UBE2K: variants seen among roughly 807,000 people sequenced by gnomAD.
UBE2K encodes ubiquitin-conjugating enzyme E2 K.
Under a neutral mutation model 30.0 loss-of-function variants are expected in UBE2K, and 6 were observed. That is an observed-to-expected ratio of 0.20 (90% CI 0.11 to 0.39). The LOEUF (loss-of-function observed/expected upper bound fraction) is 0.39. Among genes scored for constraint, UBE2K ranks in the 10% least tolerant of loss-of-function variants. The pLI is 1.00. For missense variants in UBE2K, 61 were observed against 241.6 expected (o/e 0.25, Z 4.96); for synonymous variants, 86 against 83.7 (o/e 1.03, Z -0.15).
In UBE2K at chr4:39,774,953, A is replaced by G. The variant is rs762292245; in HGVS notation, c.399+20A>G. ...AATCAGGTAAGATGGCCGCTTTTGA[A>G]AGACTTTCTTATATTATGTATGAGT... On this transcript the variant is annotated intron_variant, in intron 5 of 6. Coordinates refer to ENST00000261427, the MANE Select transcript of UBE2K (RefSeq NM_005339.5). The G allele has an allele frequency of 1.3e-6, 2 of 1,550,948 alleles. No individual in the cohort carries two copies. The highest frequency in any genetic ancestry group is 1.8e-6 in the Non-Finnish European group (2 of 1,133,052).
At chr4:39,759,738 G>A (rs906904898) in intron 4 of UBE2K, among the ~76,000 whole-genome samples, 52 of 152,134 alleles carry the variant, frequency 3.4e-4, no homozygotes, top group African/African-American at 1.2e-3. Flanking sequence ...CCTTCTAAAA[G>A]ACACAAACAG....
rs1473068023 is a variant in UBE2K at position 39,782,193 on chromosome 4, T to G, written c.*3759T>G. 1 of 377,916 alleles carries G rather than the reference T, an allele frequency of 2.6e-6. No individual in the cohort carries two copies. The highest frequency in any genetic ancestry group is 2.1e-5 in the African/African-American group (1 of 48,166). 23.4% of individuals were successfully genotyped at this position (377,916 alleles called of 1,614,324 possible). The stretch of plus-strand genomic sequence containing the variant: ...GTTATTTCAACCATGCTGCTATATA[T>G]AATCAGGTGTGGCACAGTTTGTCAG... On this transcript the variant is annotated 3_prime_UTR_variant, in exon 7 of 7. Coordinates refer to ENST00000261427, the MANE Select transcript of UBE2K (RefSeq NM_005339.5).
chr4:39,734,216 G>A (rs945702577), intron 1 of UBE2K, among the ~76,000 whole-genome samples: 4 of 148,614 alleles, frequency 2.7e-5, no homozygotes, highest in Admixed American at 6.9e-5. Context: ...AACGATTCTC[G>A]TGCCTCAACC....
At chr4:39,752,599 GT>G (rs1721328341) in intron 3 of UBE2K, among the ~76,000 whole-genome samples, 1 of 152,018 alleles carries the variant, frequency 6.6e-6, no homozygotes, top group Non-Finnish European at 1.5e-5. Flanking sequence ...CCCTCCCAAA[GT>G]GCTGGGATTA....
chr4:39,701,030 C>T (rs1386424125), intron 1 of UBE2K, among the ~76,000 whole-genome samples: 1 of 152,050 alleles, frequency 6.6e-6, no homozygotes, highest in Non-Finnish European at 1.5e-5. Flanking sequence ...AGTTGGGTGT[C>T]TGGGGTATAG....
rs747782314 is a variant in UBE2K, at chr4:39,698,291, C to T, written c.-37C>T. On this transcript the variant is annotated 5_prime_UTR_variant, in exon 1 of 7. Coordinates refer to ENST00000261427, the MANE Select transcript of UBE2K (RefSeq NM_005339.5). ...GCGGTGGCGGTGGTCGTAGCGGTGGCGGAGGAGGCGGGTACGAATCAGCTG... is the reference window on the plus strand; with the variant it reads ...GCGGTGGCGGTGGTCGTAGCGGTGGTGGAGGAGGCGGGTACGAATCAGCTG... The T allele has an allele frequency of 1.3e-6, 2 of 1,596,540 alleles. No homozygotes were observed. Among genetic ancestry groups the T allele is most frequent in the East Asian group, 2.3e-5 (1 of 44,326 alleles).
intron 4 of UBE2K, among the ~76,000 whole-genome samples, chr4:39,759,380 A>C (rs1452528584): frequency 1.3e-5 from 2 of 152,062 alleles, no homozygotes; most frequent in Admixed American, 1.3e-4. Context: ...GGGCTCAAGC[A>C]GTTCTCCTGC....
chr4:39,736,686 A>G (rs1469542536), intron 1 of UBE2K, among the ~76,000 whole-genome samples: 1 of 152,240 alleles, frequency 6.6e-6, no homozygotes, highest in Admixed American at 6.5e-5. Context: ...CAGTAATGCT[A>G]TAGATAGGAA....
At chr4:39,732,023 A>T (rs1031715244) in intron 1 of UBE2K, among the ~76,000 whole-genome samples, 16 of 152,172 alleles carry the variant, frequency 1.1e-4, no homozygotes, top group African/African-American at 3.9e-4. Flanking sequence ...AATAGAAGTG[A>T]GGCTAATATT....
rs1004643914 is a variant in UBE2K at position 39,753,409 on chromosome 4, G to A, written c.217-2248G>A. ...AAGCCCTATATTACTGTCTTACTTA[G>A]CTTGCATTGTATTTGATATTTAGCC... On this transcript the variant is annotated intron_variant, in intron 3 of 6. Transcript: ENST00000261427. Among the ~76,000 whole-genome samples the A allele has an allele frequency of 3.3e-5, 5 of 152,160 alleles. No individual in the cohort carries two copies. In the South Asian group the frequency reaches 6.2e-4, roughly 19 times the overall value.
rs1713461173 is a variant in UBE2K at position 39,779,189 on chromosome 4, A to C, written c.*755A>C. The C allele has an allele frequency of 6.6e-6, 1 of 152,104 alleles. No homozygotes were observed. The highest frequency in any genetic ancestry group is 2.4e-5 in the African/African-American group (1 of 41,422). The allele number at this position is 152,104 out of a possible 1,614,324, so 9.4% of individuals were successfully genotyped here. A position where few individuals can be genotyped will look rare whatever the true frequency, so the allele number is the denominator to read the frequency against. On this transcript the variant is annotated 3_prime_UTR_variant, in exon 7 of 7. Transcript: ENST00000261427. ...TTGGAATGTCTTGTCCCAGTTCTTC[A>C]AACACTCTTAAATTTTTCTTAAGTA...
At chr4:39,711,399 T>C (rs1718669667) in intron 1 of UBE2K, among the ~76,000 whole-genome samples, 1 of 151,654 alleles carries the variant, frequency 6.6e-6, no homozygotes, top group Admixed American at 6.6e-5. Context: ...CCTGACTTCA[T>C]GATCCGCCCG....
At chr4:39,734,356 C>T (rs369973826) in intron 1 of UBE2K, among the ~76,000 whole-genome samples, 5 of 152,062 alleles carry the variant, frequency 3.3e-5, no homozygotes, top group East Asian at 1.9e-4. Context: ...ATTACAGGCA[C>T]GAGCCACCGC....
rs10650873 is a variant in UBE2K at position 39,732,672 on chromosome 4, C to CTTTTTTTTT, written c.64-4736_64-4728dup. 2.6e-5 allele frequency among the ~76,000 whole-genome samples: 3 copies of CTTTTTTTTT among 115,098 alleles called. 1 individual carries two copies. Among genetic ancestry groups the CTTTTTTTTT allele is most frequent in the Non-Finnish European group, 5.1e-5 (3 of 58,858 alleles). The allele number at this position is 115,098 out of a possible 152,430, so 75.5% of individuals were successfully genotyped here. A position where few individuals can be genotyped will look rare whatever the true frequency, so the allele number is the denominator to read the frequency against. On this transcript the variant is annotated intron_variant, in intron 1 of 6. Transcript: ENST00000261427. ...TGCTAACTTCTATAGCTTCTTCCCT[C>CTTTTTTTTT]TTTTTTTTTTTTTTTTTTTTGGTGA...
intron 3 of UBE2K, among the ~76,000 whole-genome samples, chr4:39,754,991 T>C (rs1199186943): frequency 6.6e-6 from 1 of 152,216 alleles, no homozygotes; most frequent in Non-Finnish European, 1.5e-5. Flanking sequence ...TTTTCACTTG[T>C]TGGTTTGTTA....
intron 1 of UBE2K, among the ~76,000 whole-genome samples, chr4:39,736,096 G>A (rs1720364323): frequency 1.3e-5 from 2 of 151,750 alleles, no homozygotes; most frequent in Non-Finnish European, 2.9e-5. Flanking sequence ...AAGAAAGTCA[G>A]TCTAAAAGCA....
At chr4:39,771,680 G>A (rs1361918657) in intron 4 of UBE2K, among the ~76,000 whole-genome samples, 1 of 152,120 alleles carries the variant, frequency 6.6e-6, no homozygotes, top group Non-Finnish European at 1.5e-5. Context: ...CGCGCGCGGC[G>A]ACGGCGTCGG....
chr4:39,744,118 C>T (rs1304838797), intron 2 of UBE2K, among the ~76,000 whole-genome samples: 1 of 152,184 alleles, frequency 6.6e-6, no homozygotes, highest in African/African-American at 2.4e-5. Flanking sequence ...CCACCTCAGC[C>T]TCCCAAAGTG....
chr4:39,763,128 A>G (rs1470166340), intron 4 of UBE2K, among the ~76,000 whole-genome samples: 1 of 150,120 alleles, frequency 6.7e-6, no homozygotes, highest in East Asian at 2.0e-4. Flanking sequence ...TTTTTAATAC[A>G]GATAGACTTT....
Sources: allele counts gnomAD v4.1 joint callset (sites outside exome capture counted in the v4.1 genomes callset), GRCh38; gene constraint gnomAD v4.1.1; transcripts MANE v1.5; gene names NCBI Gene and HGNC (gene_info 2026-07-23, HGNC 2026-07-21).